EPB41L4A: variants seen among roughly 807,000 people sequenced by gnomAD.
EPB41L4A encodes the protein erythrocyte membrane protein band 4.1 like 4A, also known as band 4.1-like protein 4A.
EPB41L4A carries 100 observed loss-of-function variants against 108.6 expected under a neutral mutation model. That is an observed-to-expected ratio of 0.92 (90% confidence interval 0.78 to 1.09). The LOEUF (loss-of-function observed/expected upper bound fraction) is 1.09, where lower values mean the gene tolerates loss of function less well. EPB41L4A is among the 50% of genes least tolerant of loss of function. The pLI is 0.00. For synonymous variants in EPB41L4A, 319 were observed against 289.0 expected (o/e 1.10, Z -1.05); for missense variants, 1,030 against 842.7 (o/e 1.22, Z -2.75).
At chr5:112,185,501 T>C (rs1025472570) in intron 17 of EPB41L4A, among the ~76,000 whole-genome samples, 2 of 152,192 alleles carry the variant, frequency 1.3e-5, no homozygotes, top group African/African-American at 4.8e-5. Context: ...ACTGTTTAAA[T>C]CTCTCTAGAT....
intron 12 of EPB41L4A, among the ~76,000 whole-genome samples, chr5:112,155,404 A>G (rs985366910): frequency 5.3e-5 from 8 of 152,158 alleles, no homozygotes; most frequent in Non-Finnish European, 8.8e-5. Context: ...GCTTTGAGAT[A>G]CATCACAAAC....
In EPB41L4A at chr5:112,399,330, C is replaced by T. The variant is rs148484420; in HGVS notation, c.99+19611G>A. ...CTCCCCTCCCATTCAATCAGATTCC[C>T]CTGTTGTATACTCTCATGTCACCAC... is the stretch of plus-strand genomic sequence containing the variant. On this transcript the variant is annotated intron_variant, in intron 1 of 22. Coordinates refer to ENST00000261486, the MANE Select transcript of EPB41L4A (RefSeq NM_022140.5). Among the ~76,000 whole-genome samples the T allele has an allele frequency of 3.1e-3, 478 of 152,196 alleles. 3 individuals carry two copies. Among genetic ancestry groups the T allele is most frequent in the Middle Eastern group, 0.01 (3 of 294 alleles).
rs115144711 is a variant in EPB41L4A at position 112,236,499 on chromosome 5, C to G, written c.966-1744G>C. 4.6e-3 allele frequency among the ~76,000 whole-genome samples: 695 copies of G among 152,328 alleles called. 5 individuals are homozygous for G. Among genetic ancestry groups the G allele is most frequent in the African/African-American group, 0.016 (658 of 41,566 alleles). On this transcript the variant is annotated intron_variant, in intron 11 of 22. Transcript: ENST00000261486. ...TATTTCTACTTGTTCTTACAATTTC[C>G]TGGCAGAAGTATTCTTATATAGCAT...
chr5:112,306,143 G>A lies in EPB41L4A; in HGVS notation c.204+1243C>T, dbSNP rs1754666987. On this transcript the variant is annotated intron_variant, in intron 2 of 22. Transcript: ENST00000261486. Reference sequence around the variant, plus strand: ...ACATAGTAGATAAGATCAGAAAACTGTAGTTTTCTCTGCTAGGAAAAAAAT... The same window carrying A: ...ACATAGTAGATAAGATCAGAAAACTATAGTTTTCTCTGCTAGGAAAAAAAT... Among the ~76,000 whole-genome samples, 3 of 152,072 alleles carry A rather than the reference G, an allele frequency of 2.0e-5. No individual in the cohort carries two copies. In the South Asian group the frequency reaches 6.2e-4, roughly 32 times the overall value.
At chr5:112,178,087 G>T (rs950615095) in intron 18 of EPB41L4A, among the ~76,000 whole-genome samples, 5 of 151,586 alleles carry the variant, frequency 3.3e-5, no homozygotes, top group African/African-American at 1.2e-4. Flanking sequence ...TTTACAAGAG[G>T]TGGACTTTAA....
intron 17 of EPB41L4A, among the ~76,000 whole-genome samples, chr5:112,189,785 T>C (rs1039395724): frequency 5.3e-5 from 8 of 152,340 alleles, no homozygotes; most frequent in Non-Finnish European, 1.2e-4. Flanking sequence ...GAATGAGTAA[T>C]TCAAAGATTC....
chr5:112,277,454 T>A (rs1166936966), intron 3 of EPB41L4A, among the ~76,000 whole-genome samples: 1 of 152,246 alleles, frequency 6.6e-6, no homozygotes, highest in Non-Finnish European at 1.5e-5. Flanking sequence ...ATAAAATGGC[T>A]GTGTTCTAAA....
rs371986743 is a variant in EPB41L4A at position 112,338,400 on chromosome 5, C to T, written c.100-30910G>A. On this transcript the variant is annotated intron_variant, in intron 1 of 22. Coordinates refer to ENST00000261486, the MANE Select transcript of EPB41L4A (RefSeq NM_022140.5). ...TCGGCACTGTCTCAGACTGCCTGCC[C>T]ACCTGCTCCGGCTCTCTCCAGCATG... Among the ~76,000 whole-genome samples the T allele has an allele frequency of 1.5e-4, 23 of 152,246 alleles. No homozygotes were observed. The East Asian group carries it at 4.5e-3, about 29-fold the overall frequency.
intron 1 of EPB41L4A, among the ~76,000 whole-genome samples, chr5:112,381,490 G>A (rs1022277654): frequency 3.3e-5 from 5 of 152,218 alleles, no homozygotes; most frequent in Admixed American, 6.5e-5. Flanking sequence ...ATTCCATCCA[G>A]TGTGCAATTC....
At chr5:112,184,838 T>C (rs1286091821) in intron 17 of EPB41L4A, among the ~76,000 whole-genome samples, 1 of 152,168 alleles carries the variant, frequency 6.6e-6, no homozygotes, top group African/African-American at 2.4e-5. Context: ...CCAAATCCTC[T>C]CATTTTTTTA....
At position 112,152,218 on chromosome 5, in the gene EPB41L4A, GA is replaced by G. The variant is rs1408410660; in HGVS notation, n.994+6182del. 2.0e-5 allele frequency among the ~76,000 whole-genome samples: 3 copies of G among 151,310 alleles called. No individual in the cohort carries two copies. The East Asian group carries it at 5.8e-4, about 29-fold the overall frequency. ...AAGAGAAAAAAAAACATAGAAGAAA[GA>G]GAGATGAAATGGAAGAACAAAATAA... On this transcript the variant is annotated intron_variant and non_coding_transcript_variant, in intron 12 of 13. Transcript: ENST00000507810.
intron 1 of EPB41L4A, among the ~76,000 whole-genome samples, chr5:112,394,360 T>C (rs959275079): frequency 1.1e-4 from 16 of 152,054 alleles, no homozygotes; most frequent in Non-Finnish European, 2.9e-5. Flanking sequence ...CGGCCCAAAA[T>C]CTCCTCAAGC....
intron 12 of EPB41L4A, among the ~76,000 whole-genome samples, chr5:112,216,919 A>G (rs1486139964): frequency 6.6e-6 from 1 of 152,200 alleles, no homozygotes; most frequent in African/African-American, 2.4e-5. Flanking sequence ...ACCACAAATT[A>G]CGGCCAAATA....
chr5:112,286,991 C>A (rs1753327915), intron 2 of EPB41L4A, among the ~76,000 whole-genome samples: 1 of 152,178 alleles, frequency 6.6e-6, no homozygotes, highest in Non-Finnish European at 1.5e-5. Flanking sequence ...GCTTCTAGGA[C>A]ACTCCTCAAT....
chr5:112,195,563 A>T (rs940382823), intron 16 of EPB41L4A, 98 bp downstream of exon 16: 1 of 1,035,824 alleles, frequency 9.7e-7, no homozygotes. Flanking sequence ...AAAAAAAATA[A>T]AAAAAAATAA....
intron 18 of EPB41L4A, among the ~76,000 whole-genome samples, chr5:112,181,565 A>C (rs1296404045): frequency 1.3e-5 from 2 of 152,238 alleles, no homozygotes; most frequent in East Asian, 1.9e-4. Flanking sequence ...GAGAATGTCT[A>C]TAACGCAATG....
At chr5:112,231,544 G>T (rs1238537785) in intron 12 of EPB41L4A, among the ~76,000 whole-genome samples, 1 of 150,806 alleles carries the variant, frequency 6.6e-6, no homozygotes, top group Non-Finnish European at 1.5e-5. Context: ...CCAGCACTTT[G>T]GGAGGCCGAG....
At chr5:112,198,487 C>A (rs569422924) in intron 15 of EPB41L4A, among the ~76,000 whole-genome samples, 2 of 152,122 alleles carry the variant, frequency 1.3e-5, no homozygotes, top group Non-Finnish European at 2.9e-5. Context: ...ACTTTTCAAC[C>A]GATTATGTCA....
At chr5:112,167,971 G>A (rs1039491106) in intron 22 of EPB41L4A, among the ~76,000 whole-genome samples, 1 of 152,170 alleles carries the variant, frequency 6.6e-6, no homozygotes, top group African/African-American at 2.4e-5. Context: ...CTTTTCTAAA[G>A]GATCCATGAT....
Sources: gnomAD v4.1 joint callset for allele counts (sites outside exome capture counted in the v4.1 genomes callset) on GRCh38, gnomAD v4.1.1 for gene constraint, MANE v1.5 for transcripts, NCBI Gene and HGNC (gene_info 2026-07-23, HGNC 2026-07-21) for gene names.